The following NCOR1 variants were observed in gnomAD, a reference collection of about 807,000 sequenced individuals.
The protein encoded by NCOR1 is nuclear receptor corepressor 1.
Under a neutral mutation model 288.1 loss-of-function variants are expected in NCOR1, and 63 were observed. The ratio of observed to expected loss-of-function variants is 0.22; its 90% CI spans 0.18 to 0.27. The LOEUF (loss-of-function observed/expected upper bound fraction) is 0.27. Ranked by LOEUF, NCOR1 falls within the 10% of genes least tolerant of loss-of-function variation. The pLI is 1.00. For missense variants in NCOR1, 2,397 were observed against 3,019.2 expected (o/e 0.79, Z 4.83); for synonymous variants, 1,007 against 1,065.9 (o/e 0.94, Z 1.08).
Position 16,032,415 on chromosome 17 carries a change from C to G in NCOR1, c.7204G>C (p.Ala2402Pro). ...TGGTTCACCGCAGAGGGAGCACATGCAATCGGTGTTGGTGGAGTACTGCTG... is the reference window on the plus strand; with the variant it reads ...TGGTTCACCGCAGAGGGAGCACATGGAATCGGTGTTGGTGGAGTACTGCTG... The part of the protein sequence containing the change: ...MLSSTPPTPI[A>P]CAPSAVNQAA... The change falls in exon 46 of 46, where the codon GCA (alanine) becomes CCA (proline). Residue 2402 changes from alanine to proline, a missense_variant. Ala to Pro is a conservative substitution (Grantham distance 27). Coordinates refer to ENST00000268712, the MANE Select transcript of NCOR1 (RefSeq NM_006311.4). The G allele has an allele frequency of 1.2e-6, 2 of 1,614,036 alleles. No homozygotes were observed. The highest frequency in any genetic ancestry group is 8.5e-7 in the Non-Finnish European group (1 of 1,179,974).
rs893341921 is a variant in NCOR1 at position 16,215,404 on chromosome 17, G to C, written c.-113C>G. 11 of 395,822 alleles carry C rather than the reference G, an allele frequency of 2.8e-5. No homozygotes were observed. The highest frequency in any genetic ancestry group is 2.1e-4 in the African/African-American group (10 of 48,464). The allele number at this position is 395,822 out of a possible 1,614,324, so 24.5% of individuals were successfully genotyped here. A position where few individuals can be genotyped will look rare whatever the true frequency, so the allele number is the denominator to read the frequency against. ...TGGGAGCCGACGTGCGCCCCGGCCT[G>C]AGGAGTGGGACGCGGCCACGGCGCG... On this transcript the variant is annotated 5_prime_UTR_variant, in exon 1 of 46. Transcript: ENST00000268712.
chr17:16,110,834 T>C (rs1417720170), intron 18 of NCOR1, among the ~76,000 whole-genome samples: 1 of 152,238 alleles, frequency 6.6e-6, no homozygotes, highest in Non-Finnish European at 1.5e-5. Context: ...AGTCACAGAA[T>C]TAGTTGCAAT....
chr17:16,070,103 G>GTTT (rs368198526), intron 31 of NCOR1, 62 bp downstream of exon 31: 184 of 1,332,158 alleles, frequency 1.4e-4, no homozygotes, highest in South Asian at 3.4e-4. Flanking sequence ...CTTGACAAAG[G>GTTT]TTTTTTTTTT....
intron 8 of NCOR1, chr17:16,151,689 C>CTT (rs1251722997): frequency 1.4e-5 from 17 of 1,252,752 alleles, no homozygotes; most frequent in Non-Finnish European, 1.9e-5. Flanking sequence ...AAGTATCCAC[C>CTT]TTTTTTACTA....
At chr17:16,206,500 C>T (rs1316208307) in intron 1 of NCOR1, among the ~76,000 whole-genome samples, 1 of 152,226 alleles carries the variant, frequency 6.6e-6, no homozygotes, top group Admixed American at 6.5e-5. Flanking sequence ...ATTCTCCTGC[C>T]TCAGCCTCCC....
At chr17:16,174,459 C>T (rs2153475298) in intron 3 of NCOR1, among the ~76,000 whole-genome samples, 1 of 152,268 alleles carries the variant, frequency 6.6e-6, no homozygotes, top group South Asian at 2.1e-4. Flanking sequence ...GCAACTCTGC[C>T]TCTGAGATTT....
chr17:16,131,355 A>C (rs1237046788), intron 14 of NCOR1, among the ~76,000 whole-genome samples: 1 of 152,114 alleles, frequency 6.6e-6, no homozygotes, highest in Admixed American at 6.6e-5. Context: ...TAATTTAAGA[A>C]CAGGATTCAG....
chr17:16,058,087 C>T (rs2060130908), intron 38 of NCOR1, 23 bp from the exon 39 acceptor site: 3 of 1,610,316 alleles, frequency 1.9e-6, no homozygotes, highest in Non-Finnish European at 2.5e-6. Flanking sequence ...ACATAGATGT[C>T]TTACTCCAGG....
chr17:16,122,889 G>C (rs548603972), intron 15 of NCOR1, among the ~76,000 whole-genome samples: 1 of 152,274 alleles, frequency 6.6e-6, no homozygotes, highest in African/African-American at 2.4e-5. Flanking sequence ...CTCCCACCTT[G>C]GCTGGGATTA....
chr17:16,091,360 G>C (rs553800204), intron 22 of NCOR1, among the ~76,000 whole-genome samples: 2 of 152,322 alleles, frequency 1.3e-5, no homozygotes, highest in East Asian at 1.9e-4. Context: ...TTACAGATGA[G>C]AAAACTAAAG....
rs145974571 is a variant in NCOR1, at chr17:16,114,489, C to G, written c.2055+3399G>C. ...AAAAGTCCATAGCCCAAAGTCTCAT[C>G]TGAGACAAGGCAAGTCCCTTCCCCT... On this transcript the variant is annotated intron_variant, in intron 18 of 45. Coordinates refer to ENST00000268712, the MANE Select transcript of NCOR1 (RefSeq NM_006311.4). Among the ~76,000 whole-genome samples, 435 of 152,318 alleles carry G rather than the reference C, an allele frequency of 2.9e-3. 5 individuals are homozygous for G. The East Asian group carries it at 0.035, about 12-fold the overall frequency.
intron 14 of NCOR1, among the ~76,000 whole-genome samples, chr17:16,127,465 GTA>G (rs1349398749): frequency 6.9e-6 from 1 of 145,448 alleles, no homozygotes; most frequent in East Asian, 2.0e-4. Context: ...ATATATACGT[GTA>G]TGTGTATATA....
intron 42 of NCOR1, among the ~76,000 whole-genome samples, chr17:16,044,017 A>G (rs1221793916): frequency 6.6e-6 from 1 of 152,060 alleles, no homozygotes; most frequent in Non-Finnish European, 1.5e-5. Flanking sequence ...TAAAAATACA[A>G]AATTAGCCGG....
At chr17:16,125,150 G>A (rs756170728) in intron 15 of NCOR1, among the ~76,000 whole-genome samples, 1 of 151,982 alleles carries the variant, frequency 6.6e-6, no homozygotes, top group African/African-American at 2.4e-5. Flanking sequence ...GACCACCTGA[G>A]GTCAGGAGTT....
At chr17:16,080,172 A>C in intron 25 of NCOR1, 108 bp from the exon 26 acceptor site, 1 of 939,178 alleles carries the variant, frequency 1.1e-6, no homozygotes, top group Non-Finnish European at 1.6e-6. Flanking sequence ...AAAAGAAAAA[A>C]GCAGCACAAA....
At chr17:16,137,190 A>C in intron 14 of NCOR1, 121 bp downstream of exon 14, 1 of 537,200 alleles carries the variant, frequency 1.9e-6, no homozygotes, top group Non-Finnish European at 3.3e-6. Context: ...CATCCTCACT[A>C]ATTTAACAGA....
In NCOR1 at chr17:16,079,974, G is replaced by C. The variant is rs1299209343; in HGVS notation, c.3491C>G (p.Ser1164Cys). The C allele has an allele frequency of 1.9e-6, 3 of 1,613,172 alleles. No individual in the cohort carries two copies. Among genetic ancestry groups the C allele is most frequent in the Non-Finnish European group, 2.5e-6 (3 of 1,179,184 alleles). ...SVESIPSLRG[S>C]ITQGTPALPQ... ...ATGATCGTGACTAACCTGAGTGATAGAGCCCCGTAGGGATGGAATGCTCTC... is the reference window on the plus strand; with the variant it reads ...ATGATCGTGACTAACCTGAGTGATACAGCCCCGTAGGGATGGAATGCTCTC... Residue 1164 changes from serine to cysteine, a missense_variant, in exon 26 of 46, where the codon TCT becomes TGT. By Grantham distance (112) the Ser-to-Cys change is moderately radical (BLOSUM62 -1). Around this residue, in one of 11 missense-constraint regions of NCOR1, gnomAD observed 1,872 missense variants for 2,187.8 expected, o/e 0.86. Coordinates refer to ENST00000268712, the MANE Select transcript of NCOR1 (RefSeq NM_006311.4).
intron 29 of NCOR1, 52 bp downstream of exon 29, chr17:16,072,093 T>A (rs1598197368): frequency 7.4e-7 from 1 of 1,357,242 alleles, no homozygotes; most frequent in East Asian, 2.4e-5. Context: ...GTCAAACTAT[T>A]TTGCCAGGGA....
intron 22 of NCOR1, among the ~76,000 whole-genome samples, chr17:16,089,679 A>G (rs1013540053): frequency 6.6e-6 from 1 of 152,128 alleles, no homozygotes; most frequent in Admixed American, 6.5e-5. Context: ...ATAAATCCAT[A>G]CTATCACTAT....
Sources: allele counts gnomAD v4.1 joint callset (sites outside exome capture counted in the v4.1 genomes callset), GRCh38; gene constraint gnomAD v4.1.1; regional missense constraint gnomAD v4.1.1; transcripts MANE v1.5; gene names NCBI Gene and HGNC (gene_info 2026-07-23, HGNC 2026-07-21).